Variants in SGCZ observed in about 807,000 individuals in gnomAD.
SGCZ encodes the protein sarcoglycan zeta, also known as zeta-sarcoglycan.
A neutral mutation model predicts 41.3 loss-of-function variants in SGCZ; 40 were observed. The ratio of observed to expected loss-of-function variants is 0.97; its 90% CI spans 0.75 to 1.26. The LOEUF (loss-of-function observed/expected upper bound fraction) is 1.26, where lower values mean the gene tolerates loss of function less well. Ranked by LOEUF, SGCZ falls within the 50% of genes most tolerant of loss-of-function variation. The probability of loss-of-function intolerance (pLI) is 0.00; values close to 1 mark genes in which losing one functional copy is unlikely to be tolerated. For synonymous variants in SGCZ, 206 were observed against 137.5 expected (o/e 1.50, Z -3.49); for missense variants, 552 against 369.8 (o/e 1.49, Z -4.04).
intron 1 of SGCZ, among the ~76,000 whole-genome samples, chr8:15,100,191 A>G (rs12114897): frequency 6.6e-6 from 1 of 152,194 alleles, no homozygotes; most frequent in African/African-American, 2.4e-5. Context: ...TTGATTGTCT[A>G]TGCAGAAAAT....
intron 1 of SGCZ, among the ~76,000 whole-genome samples, chr8:14,619,761 A>C: frequency 6.6e-6 from 1 of 152,158 alleles, no homozygotes; most frequent in East Asian, 1.9e-4. Context: ...TTCAAGGAGA[A>C]CTACAAACCA....
chr8:14,158,717 C>A (rs183479416), intron 5 of SGCZ, among the ~76,000 whole-genome samples: 194 of 152,272 alleles, frequency 1.3e-3, no homozygotes, highest in African/African-American at 4.5e-3. Context: ...AGCAAGGAGA[C>A]AAAGTAACTA....
At chr8:14,856,841 T>C (rs1585322678) in intron 1 of SGCZ, among the ~76,000 whole-genome samples, 1 of 152,104 alleles carries the variant, frequency 6.6e-6, no homozygotes, top group Non-Finnish European at 1.5e-5. Context: ...AAGCAAACCA[T>C]ACCTCACTAT....
rs147986289 is a variant in SGCZ, at chr8:14,733,432, G to A, written c.40-178506C>T. Among the ~76,000 whole-genome samples the A allele has an allele frequency of 3.8e-3, 577 of 152,218 alleles. 4 individuals are homozygous for A. Among genetic ancestry groups the A allele is most frequent in the African/African-American group, 0.013 (546 of 41,524 alleles). ...ATGCCTCTTGGTTCTAGAAATCGGTGCAGACAAAAACTTCTTCTTTCCCGG... is the reference window on the plus strand; with the variant it reads ...ATGCCTCTTGGTTCTAGAAATCGGTACAGACAAAAACTTCTTCTTTCCCGG... On this transcript the variant is annotated intron_variant, in intron 1 of 7. Transcript: ENST00000382080.
chr8:14,091,212 A>T (rs1049389031), intron 7 of SGCZ, among the ~76,000 whole-genome samples: 1 of 151,040 alleles, frequency 6.6e-6, no homozygotes, highest in South Asian at 2.1e-4. Context: ...TATATGTGCT[A>T]CATTTTTTTA....
At chr8:15,217,630 G>A (rs935238407) in intron 1 of SGCZ, among the ~76,000 whole-genome samples, 1 of 152,058 alleles carries the variant, frequency 6.6e-6, no homozygotes, top group Non-Finnish European at 1.5e-5. Context: ...AGACTGGCGT[G>A]CCTTTTCTTT....
chr8:15,142,581 C>T (rs1798919657), intron 1 of SGCZ, among the ~76,000 whole-genome samples: 2 of 151,888 alleles, frequency 1.3e-5, no homozygotes, highest in Admixed American at 6.6e-5. Context: ...GTAAATCACC[C>T]CCCAATTACC....
chr8:14,358,482 C>T (rs1449241008), intron 2 of SGCZ, among the ~76,000 whole-genome samples: 4 of 151,772 alleles, frequency 2.6e-5, no homozygotes, highest in African/African-American at 9.7e-5. Context: ...ACTTCAGTTA[C>T]TATATAAAAT....
chr8:15,193,560 A>C (rs1800611845), intron 1 of SGCZ, among the ~76,000 whole-genome samples: 1 of 152,072 alleles, frequency 6.6e-6, no homozygotes, highest in African/African-American at 2.4e-5. Flanking sequence ...AAGGAGTGAA[A>C]TAAATGACCA....
intron 2 of SGCZ, among the ~76,000 whole-genome samples, chr8:14,534,005 G>A (rs1382959289): frequency 1.3e-5 from 2 of 151,820 alleles, no homozygotes; most frequent in African/African-American, 4.8e-5. Context: ...TCTACCAGGG[G>A]TATGTGCTCA....
At chr8:14,892,754 TA>T (rs1352465045) in intron 1 of SGCZ, among the ~76,000 whole-genome samples, 1 of 152,194 alleles carries the variant, frequency 6.6e-6, no homozygotes, top group Non-Finnish European at 1.5e-5. Flanking sequence ...TCATCACCAT[TA>T]AATAATTAAT....
At chr8:15,180,850 G>A (rs1424595737) in intron 1 of SGCZ, among the ~76,000 whole-genome samples, 1 of 150,972 alleles carries the variant, frequency 6.6e-6, no homozygotes, top group African/African-American at 2.4e-5. Flanking sequence ...TCATGCCACT[G>A]CACTCCAGCC....
intron 4 of SGCZ, among the ~76,000 whole-genome samples, chr8:14,214,467 TACC>T: frequency 6.6e-6 from 1 of 152,246 alleles, no homozygotes; most frequent in Non-Finnish European, 1.5e-5. Context: ...GTGACAAATG[TACC>T]ACACCAATAT....
At chr8:14,508,391 T>A (rs28706402) in intron 2 of SGCZ, among the ~76,000 whole-genome samples, 2,438 of 152,254 alleles carry the variant, frequency 0.016, 63 homozygotes, top group African/African-American at 0.056. Flanking sequence ...AAATGTATTT[T>A]AATGCTGTCA....
intron 2 of SGCZ, among the ~76,000 whole-genome samples, chr8:14,540,529 TG>T (rs1009142788): frequency 1.2e-4 from 18 of 151,828 alleles, no homozygotes; most frequent in African/African-American, 4.1e-4. Flanking sequence ...TCCCAGATTT[TG>T]GGGGTTGTTT....
chr8:14,946,995 T>C (rs1800473037), intron 1 of SGCZ, among the ~76,000 whole-genome samples: 1 of 151,996 alleles, frequency 6.6e-6, no homozygotes, highest in Non-Finnish European at 1.5e-5. Context: ...ATAGTTAGGG[T>C]TTGAAACATA....
chr8:14,942,170 G>C (rs1476890756), intron 1 of SGCZ, among the ~76,000 whole-genome samples: 1 of 151,974 alleles, frequency 6.6e-6, no homozygotes, highest in Non-Finnish European at 1.5e-5. Context: ...CATCTTGAGA[G>C]TATATAAACC....
chr8:14,563,522 T>C (rs1804270210), intron 1 of SGCZ, among the ~76,000 whole-genome samples: 1 of 152,236 alleles, frequency 6.6e-6, no homozygotes. Flanking sequence ...TGCCTTGTTT[T>C]ATTTTCTGTA....
chr8:14,774,942 A>G (rs916853858), intron 1 of SGCZ, among the ~76,000 whole-genome samples: 3 of 152,164 alleles, frequency 2.0e-5, no homozygotes, highest in African/African-American at 7.2e-5. Context: ...TAATCTGACA[A>G]TCTAAGAAAA....
Sources: allele counts gnomAD v4.1 joint callset (sites outside exome capture counted in the v4.1 genomes callset), GRCh38; gene constraint gnomAD v4.1.1; transcripts MANE v1.5; gene names NCBI Gene and HGNC (gene_info 2026-07-23, HGNC 2026-07-21).